DLG2: variants seen among roughly 807,000 people sequenced by gnomAD.
The protein encoded by DLG2 is discs large MAGUK scaffold protein 2, also known as disks large homolog 2.
In DLG2, 45 loss-of-function variants were observed where a neutral mutation model predicts 132.5. The observed-to-expected ratio is 0.34, with a 90% confidence interval of 0.27 to 0.44. The LOEUF (loss-of-function observed/expected upper bound fraction) is 0.44. Ranked by LOEUF, DLG2 falls within the 20% of genes least tolerant of loss-of-function variation. The probability of loss-of-function intolerance (pLI) is 1.00; values close to 1 mark genes in which losing one functional copy is unlikely to be tolerated. For synonymous variants in DLG2, 424 were observed against 419.6 expected (o/e 1.01, Z -0.13); for missense variants, 1,045 against 1,196.9 (o/e 0.87, Z 1.87).
intron 6 of DLG2, among the ~76,000 whole-genome samples, chr11:84,554,620 C>T (rs1328423963): frequency 6.6e-6 from 1 of 152,058 alleles, no homozygotes; most frequent in East Asian, 1.9e-4. Flanking sequence ...GTGGCGCATG[C>T]CTGTAATCTC....
At chr11:84,609,232 C>A (rs1352629864) in intron 6 of DLG2, among the ~76,000 whole-genome samples, 1 of 152,096 alleles carries the variant, frequency 6.6e-6, no homozygotes, top group East Asian at 1.9e-4. Context: ...AGTTAGTTAA[C>A]CTCTCTGTGC....
At chr11:83,738,840 T>C (rs1368322233) in intron 18 of DLG2, among the ~76,000 whole-genome samples, 1 of 152,120 alleles carries the variant, frequency 6.6e-6, no homozygotes, top group Non-Finnish European at 1.5e-5. Flanking sequence ...TGAAAGTAAC[T>C]GTCTTGCTTT....
chr11:85,434,355 A>C (rs1359052985), intron 3 of DLG2, among the ~76,000 whole-genome samples: 1 of 152,050 alleles, frequency 6.6e-6, no homozygotes, highest in Non-Finnish European at 1.5e-5. Context: ...AGACACGAAA[A>C]ACCCTTCAAA....
intron 6 of DLG2, among the ~76,000 whole-genome samples, chr11:84,782,030 T>C (rs2071891961): frequency 6.6e-6 from 1 of 152,080 alleles, no homozygotes; most frequent in African/African-American, 2.4e-5. Flanking sequence ...TGGAATACCA[T>C]TAGCAGCCAC....
chr11:83,736,698 G>A lies in DLG2; in HGVS notation c.1825+49992C>T, dbSNP rs77044149. 2.1e-3 allele frequency among the ~76,000 whole-genome samples: 312 copies of A among 152,150 alleles called. 1 individual carries two copies. The highest frequency in any genetic ancestry group is 7.4e-3 in the African/African-American group (307 of 41,500). On this transcript the variant is annotated intron_variant, in intron 18 of 27. Transcript: ENST00000376104. ...TGAAAATGTAGTTGCTCTCTAAAGT[G>A]CCTGTTTCTTCTCTAGAGCATTGCC...
chr11:84,210,184 G>A (rs1353087073), intron 8 of DLG2, among the ~76,000 whole-genome samples: 2 of 152,034 alleles, frequency 1.3e-5, no homozygotes, highest in Non-Finnish European at 2.9e-5. Flanking sequence ...TCAGGAGGCT[G>A]AGGCAGGAGA....
At chr11:84,136,432 C>A (rs1396375516) in intron 9 of DLG2, among the ~76,000 whole-genome samples, 1 of 152,116 alleles carries the variant, frequency 6.6e-6, no homozygotes, top group Non-Finnish European at 1.5e-5. Context: ...ATAATGGAGG[C>A]TTCAGTAGTA....
chr11:85,414,285 T>C (rs2089615155), intron 3 of DLG2, among the ~76,000 whole-genome samples: 2 of 152,034 alleles, frequency 1.3e-5, no homozygotes, highest in African/African-American at 2.4e-5. Context: ...TTATCAGTTC[T>C]AGGAGCTTTC....
intron 3 of DLG2, among the ~76,000 whole-genome samples, chr11:85,451,326 C>A (rs910731713): frequency 1.3e-5 from 2 of 152,186 alleles, no homozygotes; most frequent in African/African-American, 4.8e-5. Flanking sequence ...AAGTCACCAA[C>A]ATTTCTTACC....
intron 3 of DLG2, among the ~76,000 whole-genome samples, chr11:85,420,737 A>C (rs2152994399): frequency 6.6e-6 from 1 of 152,282 alleles, no homozygotes; most frequent in East Asian, 1.9e-4. Context: ...ACTGTGAGGG[A>C]AAAACCAACC....
chr11:84,257,379 G>A (rs2097490107), intron 7 of DLG2, among the ~76,000 whole-genome samples: 1 of 152,168 alleles, frequency 6.6e-6, no homozygotes, highest in South Asian at 2.1e-4. Flanking sequence ...AAGGTTTGTA[G>A]TATTATGACC....
chr11:85,212,807 A>G (rs1375817203), intron 4 of DLG2, among the ~76,000 whole-genome samples: 1 of 152,158 alleles, frequency 6.6e-6, no homozygotes, highest in Non-Finnish European at 1.5e-5. Context: ...CTTTCTATTA[A>G]GCAACAGGGA....
At chr11:84,878,974 G>T (rs969795877) in intron 6 of DLG2, among the ~76,000 whole-genome samples, 1 of 152,152 alleles carries the variant, frequency 6.6e-6, no homozygotes, top group African/African-American at 2.4e-5. Context: ...GTTGAGGTAG[G>T]ATTACATTTG....
At chr11:83,736,355 G>A (rs1390069238) in intron 18 of DLG2, among the ~76,000 whole-genome samples, 1 of 151,878 alleles carries the variant, frequency 6.6e-6, no homozygotes, top group East Asian at 1.9e-4. Flanking sequence ...ATTATTACTA[G>A]AACTCAACAT....
At chr11:84,567,970 T>G (rs1323681182) in intron 6 of DLG2, among the ~76,000 whole-genome samples, 1 of 152,192 alleles carries the variant, frequency 6.6e-6, no homozygotes, top group Non-Finnish European at 1.5e-5. Flanking sequence ...TGAGAATATC[T>G]TCCTGGGCCC....
chr11:84,855,315 TGATAAC>T (rs2082637813), intron 6 of DLG2, among the ~76,000 whole-genome samples: 1 of 152,086 alleles, frequency 6.6e-6, no homozygotes, highest in Admixed American at 6.6e-5. Flanking sequence ...GGTATCAAAG[TGATAAC>T]CGGGAATAAT....
intron 3 of DLG2, among the ~76,000 whole-genome samples, chr11:85,446,585 T>A (rs1001276841): frequency 1.3e-5 from 2 of 152,202 alleles, no homozygotes; most frequent in Non-Finnish European, 2.9e-5. Flanking sequence ...TCTTATTTAA[T>A]CCTTGCTACA....
intron 6 of DLG2, among the ~76,000 whole-genome samples, chr11:84,928,665 T>C (rs2047689371): frequency 6.6e-6 from 1 of 151,826 alleles, no homozygotes; most frequent in Non-Finnish European, 1.5e-5. Flanking sequence ...TCTCAGAAAG[T>C]CTGGCAATCT....
intron 7 of DLG2, among the ~76,000 whole-genome samples, chr11:84,497,476 TC>T (rs1266458305): frequency 3.3e-5 from 5 of 152,020 alleles, no homozygotes; most frequent in Non-Finnish European, 7.4e-5. Flanking sequence ...AGAAAGACAA[TC>T]TTTTTTCTAA....
Sources: gnomAD v4.1 joint callset for allele counts (sites outside exome capture counted in the v4.1 genomes callset) on GRCh38, gnomAD v4.1.1 for gene constraint, MANE v1.5 for transcripts, NCBI Gene and HGNC (gene_info 2026-07-23, HGNC 2026-07-21) for gene names.